Variants in KIAA1328 observed in about 807,000 individuals in gnomAD.
KIAA1328 encodes the protein protein hinderin.
Under a neutral mutation model 68.1 loss-of-function variants are expected in KIAA1328, and 52 were observed. The ratio of observed to expected loss-of-function variants is 0.76; its 90% CI spans 0.61 to 0.96. The LOEUF (loss-of-function observed/expected upper bound fraction) is 0.96. Among genes scored for constraint, KIAA1328 ranks in the 40% least tolerant of loss-of-function variants. The pLI, the probability that KIAA1328 is intolerant of heterozygous loss-of-function variation, is 0.00. For missense variants in KIAA1328, 641 were observed against 677.6 expected, an observed-to-expected ratio of 0.95 and a Z score of 0.60; for synonymous variants, 232 against 239.4, an observed-to-expected ratio of 0.97 and a Z score of 0.28.
intron 7 of KIAA1328, among the ~76,000 whole-genome samples, chr18:37,115,857 C>G (rs1479402072): frequency 6.6e-6 from 1 of 152,114 alleles, no homozygotes; most frequent in African/African-American, 2.4e-5. Flanking sequence ...ACAAGCATTC[C>G]TATACAGCAA....
chr18:36,978,830 A>G (rs1254559359), intron 6 of KIAA1328, among the ~76,000 whole-genome samples: 3 of 152,072 alleles, frequency 2.0e-5, no homozygotes, highest in African/African-American at 2.4e-5. Context: ...AGACAGATTT[A>G]TTTTTTCCTT....
chr18:37,119,931 A>G (rs1405928696), intron 7 of KIAA1328, among the ~76,000 whole-genome samples: 1 of 152,132 alleles, frequency 6.6e-6, no homozygotes, highest in Non-Finnish European at 1.5e-5. Context: ...GAAATGGTTT[A>G]TTGTAGGGAT....
intron 6 of KIAA1328, among the ~76,000 whole-genome samples, chr18:37,038,521 G>A (rs1252394877): frequency 1.3e-5 from 2 of 151,974 alleles, no homozygotes; most frequent in African/African-American, 2.4e-5. Context: ...CTTATAGTTA[G>A]TATATAAAAA....
At chr18:37,071,323 T>G (rs2056526022) in intron 7 of KIAA1328, among the ~76,000 whole-genome samples, 1 of 152,070 alleles carries the variant, frequency 6.6e-6, no homozygotes, top group Non-Finnish European at 1.5e-5. Context: ...TCTGCCTACC[T>G]TATCCTTCCA....
chr18:37,111,537 A>T (rs1328502768), intron 7 of KIAA1328, among the ~76,000 whole-genome samples: 1 of 152,224 alleles, frequency 6.6e-6, no homozygotes, highest in Non-Finnish European at 1.5e-5. Flanking sequence ...AAATAAAAAC[A>T]TTAAAAATGA....
intron 6 of KIAA1328, among the ~76,000 whole-genome samples, chr18:37,029,293 GT>G (rs1167254792): frequency 3.3e-5 from 5 of 152,118 alleles, no homozygotes; most frequent in Non-Finnish European, 7.4e-5. Flanking sequence ...GGGTTTTCCA[GT>G]TTGTGTGCCT....
intron 7 of KIAA1328, among the ~76,000 whole-genome samples, chr18:37,159,980 A>G (rs2059242493): frequency 6.6e-6 from 1 of 152,160 alleles, no homozygotes; most frequent in East Asian, 1.9e-4. Context: ...CCCAACTCCC[A>G]GTGTAAGCTT....
rs555488339 is a variant in KIAA1328 at position 36,952,502 on chromosome 18, C to T, written c.449-6806C>T. Among the ~76,000 whole-genome samples the T allele has an allele frequency of 9.1e-4, 138 of 151,930 alleles. No homozygotes were observed. In the Middle Eastern group the frequency reaches 0.01, roughly 11 times the overall value. On this transcript the variant is annotated intron_variant, in intron 5 of 9. Coordinates refer to ENST00000280020, the MANE Select transcript of KIAA1328 (RefSeq NM_020776.3). ...TTATATCATTTACATTTGCAGTTGC[C>T]CTGTGAGGTGAGGTAGATATTATCC...
intron 7 of KIAA1328, among the ~76,000 whole-genome samples, chr18:37,133,256 C>T (rs575785417): frequency 6.0e-5 from 9 of 150,568 alleles, no homozygotes; most frequent in African/African-American, 1.7e-4. Context: ...CGCTTGAACC[C>T]GGGAGGCAGA....
intron 4 of KIAA1328, among the ~76,000 whole-genome samples, chr18:36,871,690 G>T (rs1601077260): frequency 6.6e-6 from 1 of 151,974 alleles, no homozygotes; most frequent in African/African-American, 2.4e-5. Flanking sequence ...TAAAAAGAAG[G>T]TGGAAGAGAC....
In KIAA1328 at chr18:37,196,117, A is replaced by G. The variant is rs139691492; in HGVS notation, c.1523+23036A>G. Reference sequence around the variant, plus strand: ...ATTGCTATTATAGTATGGAAACACTACTGATTTTTGAATGTTGAATTTGTA... The same window carrying G: ...ATTGCTATTATAGTATGGAAACACTGCTGATTTTTGAATGTTGAATTTGTA... On this transcript the variant is annotated intron_variant, in intron 9 of 9. Coordinates refer to ENST00000280020, the MANE Select transcript of KIAA1328 (RefSeq NM_020776.3). 8.5e-3 allele frequency among the ~76,000 whole-genome samples: 1,298 copies of G among 152,210 alleles called. 12 individuals carry two copies. Among genetic ancestry groups the G allele is most frequent in the African/African-American group, 0.028 (1,173 of 41,556 alleles).
intron 6 of KIAA1328, among the ~76,000 whole-genome samples, chr18:37,011,256 A>C (rs1035653271): frequency 6.6e-6 from 1 of 152,202 alleles, no homozygotes; most frequent in Non-Finnish European, 1.5e-5. Context: ...TAGCATAGCT[A>C]TAATTGAACT....
Position 36,992,492 on chromosome 18 carries a change from T to C in KIAA1328, c.576+33057T>C, listed in dbSNP as rs374373599. Among the ~76,000 whole-genome samples the C allele has an allele frequency of 1.3e-4, 20 of 151,302 alleles. No homozygotes were observed. The East Asian group carries it at 3.7e-3, about 28-fold the overall frequency. The stretch of plus-strand genomic sequence containing the variant: ...TTTTTTTTTTGCTATATGTGGCCTT[T>C]CTTTATACGATACTTTTGGTTTAGT... On this transcript the variant is annotated intron_variant, in intron 6 of 9. Coordinates refer to ENST00000280020, the MANE Select transcript of KIAA1328 (RefSeq NM_020776.3).
At chr18:37,143,521 C>CTTTTTTTTTTTTTTTTTTTTTT (rs57046567) in intron 7 of KIAA1328, among the ~76,000 whole-genome samples, 22 of 90,772 alleles carry the variant, frequency 2.4e-4, no homozygotes, top group African/African-American at 5.8e-4. Context: ...TTTTTTCTTT[C>CTTTTTTTTTTTTTTTTTTTTTT]TTTTTTTTTT....
chr18:36,941,370 T>C (rs1400217985), intron 5 of KIAA1328, among the ~76,000 whole-genome samples: 2 of 151,992 alleles, frequency 1.3e-5, no homozygotes, highest in Non-Finnish European at 2.9e-5. Flanking sequence ...TGAGGTGGAC[T>C]GCCGACTTGA....
chr18:36,853,012 A>G (rs942478408), intron 4 of KIAA1328, among the ~76,000 whole-genome samples: 8 of 152,092 alleles, frequency 5.3e-5, no homozygotes, highest in Admixed American at 1.3e-4. Flanking sequence ...TAATTTTTGT[A>G]TCTTCTTGAG....
At position 36,960,088 on chromosome 18, in the gene KIAA1328, A is replaced by C. The variant is rs532933783; in HGVS notation, c.576+653A>C. Among the ~76,000 whole-genome samples the C allele has an allele frequency of 5.3e-5, 8 of 152,230 alleles. No individual in the cohort carries two copies. In the East Asian group the frequency reaches 1.5e-3, roughly 29 times the overall value. The stretch of plus-strand genomic sequence containing the variant: ...GCCATTACAGACTGTATCTGGAAAA[A>C]CAGGACACTTCCACCCAAATACTGG... On this transcript the variant is annotated intron_variant, in intron 6 of 9. Coordinates refer to ENST00000280020, the MANE Select transcript of KIAA1328 (RefSeq NM_020776.3).
At chr18:36,846,115 A>G (rs966665257) in intron 4 of KIAA1328, among the ~76,000 whole-genome samples, 1 of 151,540 alleles carries the variant, frequency 6.6e-6, no homozygotes, top group Non-Finnish European at 1.5e-5. Context: ...TTGTCTACTC[A>G]TACTTTGAAA....
At chr18:36,959,726 A>T (rs1235476801) in intron 6 of KIAA1328, among the ~76,000 whole-genome samples, 1 of 152,184 alleles carries the variant, frequency 6.6e-6, no homozygotes, top group East Asian at 1.9e-4. Context: ...TCTGTTACTT[A>T]ATGAAGATCA....
Sources: allele counts gnomAD v4.1 joint callset (sites outside exome capture counted in the v4.1 genomes callset), GRCh38; gene constraint gnomAD v4.1.1; transcripts MANE v1.5; gene names NCBI Gene and HGNC (gene_info 2026-07-23, HGNC 2026-07-21).